ESRP1: variants seen among roughly 807,000 people sequenced by gnomAD.
ESRP1 encodes RNA-binding motif protein 35A.
ESRP1 carries 33 observed loss-of-function variants against 81.7 expected under a neutral mutation model. The observed-to-expected ratio is 0.40, with a 90% CI of 0.31 to 0.54. ESRP1 has a LOEUF of 0.54. Among genes scored for constraint, ESRP1 ranks in the 20% least tolerant of loss-of-function variants. The pLI is 0.41. For synonymous variants in ESRP1, 320 were observed against 303.3 expected, an observed-to-expected ratio of 1.06 and a Z score of -0.57; for missense variants, 672 against 833.1, an observed-to-expected ratio of 0.81 and a Z score of 2.38.
At chr8:94,678,038 A>G (rs1167148914) in intron 12 of ESRP1, among the ~76,000 whole-genome samples, 165 bp from the exon 13 acceptor site, 1 of 152,214 alleles carries the variant, frequency 6.6e-6, no homozygotes, top group East Asian at 1.9e-4. Flanking sequence ...AGATACTTCT[A>G]TGCATTAACT....
Position 94,678,279 on chromosome 8 carries a change from T to C in ESRP1, c.1728T>C (p.Ser576=). ...CAGAAGCTGCCATTTACCAGCCCTC[T>C]GTGATTTTGAATCCACGAGCACTGC... ...IPTEAAIYQP[S]VILNPRALQP... is the part of the protein sequence containing the mutation. The change falls in exon 13 of 16, where the codon TCT becomes TCC. Residue 576 remains serine (S), a synonymous_variant. Coordinates refer to ENST00000433389, the MANE Select transcript of ESRP1 (RefSeq NM_017697.4). The C allele has an allele frequency of 1.2e-6, 2 of 1,614,030 alleles. No individual in the cohort carries two copies. The highest frequency in any genetic ancestry group is 1.7e-6 in the Non-Finnish European group (2 of 1,179,896).
At position 94,692,758 on chromosome 8, in the gene ESRP1, G is replaced by C. The variant is rs200594768; in HGVS notation, c.1902G>C (p.Val634=). Residue 634 remains valine (V), a synonymous_variant, in exon 14 of 16, where the codon GTG becomes GTC. Coordinates refer to ENST00000433389, the MANE Select transcript of ESRP1 (RefSeq NM_017697.4). ...GTGTCCCTCCACAGCCTGGCACGGTGGTCAGAATGCAGGGCCTGGCCTACA... is the reference window on the plus strand; with the variant it reads ...GTGTCCCTCCACAGCCTGGCACGGTCGTCAGAATGCAGGGCCTGGCCTACA... ...LSGVPPQPGT[V]VRMQGLAYNT... is the part of the protein sequence containing the mutation. 1.9e-6 allele frequency: 3 copies of C among 1,613,778 alleles called. No homozygotes were observed. The African/African-American group carries it at 4.0e-5, about 22-fold the overall frequency.
At chr8:94,672,902 G>A (rs891351366) in intron 11 of ESRP1, among the ~76,000 whole-genome samples, 1 of 144,024 alleles carries the variant, frequency 6.9e-6, no homozygotes, top group African/African-American at 2.6e-5. Context: ...AGGGTTGAAT[G>A]TAGGCTTATA....
At chr8:94,669,874 CAAAAA>C (rs1263306176) in intron 10 of ESRP1, among the ~76,000 whole-genome samples, 3 of 89,638 alleles carry the variant, frequency 3.3e-5, no homozygotes, top group Non-Finnish European at 4.5e-5. Flanking sequence ...CTCCCGCTAC[CAAAAA>C]AAAAAAAAAA....
At chr8:94,647,134 C>T (rs1376279263) in intron 4 of ESRP1, among the ~76,000 whole-genome samples, 3 of 152,198 alleles carry the variant, frequency 2.0e-5, no homozygotes, top group African/African-American at 4.8e-5. Flanking sequence ...TGTTACTTCA[C>T]GATTTTTTTT....
chr8:94,642,542 A>G (rs1435495468), intron 2 of ESRP1, among the ~76,000 whole-genome samples: 1 of 152,124 alleles, frequency 6.6e-6, no homozygotes, highest in Non-Finnish European at 1.5e-5. Context: ...TGGAACCTGA[A>G]GGTGCCTGCC....
intron 14 of ESRP1, among the ~76,000 whole-genome samples, chr8:94,695,108 G>T (rs1219808596): frequency 6.6e-6 from 1 of 151,944 alleles, no homozygotes; most frequent in Admixed American, 6.6e-5. Context: ...ATTCACTATG[G>T]GGTTCCATCT....
rs1213880148 is a variant in ESRP1, at chr8:94,662,319, C to G, written c.538C>G (p.Gln180Glu). The change falls in exon 5 of 16, where the codon CAA becomes GAA. Residue 180 changes from glutamine (Q) to glutamate (E), a missense_variant. By Grantham distance (29) the Gln-to-Glu change is conservative (BLOSUM62 2). Transcript: ENST00000433389. ...TTCAGTCTCTCGATATGGAGCCTCT[C>G]AAGTTGAAGATATGGGGAATATAAT... ...SSSVSRYGAS[Q>E]VEDMGNIILA... 2.5e-6 allele frequency: 4 copies of G among 1,585,310 alleles called. No individual in the cohort carries two copies. Among genetic ancestry groups the G allele is most frequent in the African/African-American group, 1.3e-5 (1 of 74,714 alleles).
intron 13 of ESRP1, among the ~76,000 whole-genome samples, chr8:94,679,805 G>C (rs1184498259): frequency 6.6e-6 from 1 of 152,118 alleles, no homozygotes; most frequent in Non-Finnish European, 1.5e-5. Flanking sequence ...TAATACACGT[G>C]TATGCTTCTA....
In ESRP1 at chr8:94,665,021, C is replaced by T; in HGVS notation, c.850C>T (p.Gln284Ter). Reference protein sequence around the residue: ...VSEEHRDLALQRHKHHMGTRY... With the variant: ...VSEEHRDLAL ...TGAGGAGCACCGAGACCTAGCACTA[C>T]AGAGGCACAAACATCACATGGGGAC... The change falls in exon 8 of 16, where the codon CAG becomes TAG. Residue 284 changes from glutamine to a stop codon, truncating the protein, a stop_gained. Transcript: ENST00000433389. LOFTEE classifies it high-confidence loss of function. 6.2e-7 allele frequency: 1 copy of T among 1,613,788 alleles called. No homozygotes were observed. Among genetic ancestry groups the T allele is most frequent in the Non-Finnish European group, 8.5e-7 (1 of 1,179,860 alleles).
At chr8:94,687,309 C>A (rs1203853109) in intron 13 of ESRP1, among the ~76,000 whole-genome samples, 1 of 152,070 alleles carries the variant, frequency 6.6e-6, no homozygotes, top group Admixed American at 6.6e-5. Context: ...AGAGCCATAC[C>A]ACATTTGGTT....
intron 4 of ESRP1, among the ~76,000 whole-genome samples, chr8:94,661,253 C>T (rs1281878475): frequency 6.6e-6 from 1 of 152,062 alleles, no homozygotes; most frequent in African/African-American, 2.4e-5. Context: ...ATTGGCCAGG[C>T]TTGGTCTCGA....
intron 1 of ESRP1, 172 bp downstream of exon 1, chr8:94,641,622 TG>T (rs1384496248): frequency 2.2e-6 from 2 of 922,700 alleles, no homozygotes; most frequent in Non-Finnish European, 3.2e-6. Flanking sequence ...ATTGGCCAAC[TG>T]CCTTGGAGCC....
intron 14 of ESRP1, among the ~76,000 whole-genome samples, chr8:94,696,198 G>A (rs1042682132): frequency 1.3e-5 from 2 of 152,174 alleles, no homozygotes; most frequent in African/African-American, 2.4e-5. Flanking sequence ...GTCCATAAAC[G>A]TGTGTATATT....
intron 3 of ESRP1, among the ~76,000 whole-genome samples, chr8:94,645,063 A>G (rs890380754): frequency 6.6e-6 from 1 of 152,200 alleles, no homozygotes. Context: ...TTATTGTTGA[A>G]CATGTGAGTT....
At chr8:94,696,654 G>T (rs1809616949) in intron 14 of ESRP1, among the ~76,000 whole-genome samples, 198 bp from the exon 15 acceptor site, 1 of 152,134 alleles carries the variant, frequency 6.6e-6, no homozygotes, top group South Asian at 2.1e-4. Flanking sequence ...GTCCATCCTA[G>T]AAGGGACTTT....
intron 4 of ESRP1, chr8:94,646,548 T>C (rs1817862777): frequency 3.9e-6 from 1 of 259,232 alleles, no homozygotes; most frequent in South Asian, 7.2e-5. Context: ...AGCTGTGTAA[T>C]GTGTGTGTGT....
rs957022899 is a variant in ESRP1 at position 94,668,260 on chromosome 8, A to G, written c.1233+10A>G. 8 of 1,565,916 alleles carry G rather than the reference A, an allele frequency of 5.1e-6. No individual in the cohort carries two copies. Among genetic ancestry groups the G allele is most frequent in the Admixed American group, 3.7e-5 (2 of 54,210 alleles). On this transcript the variant is annotated intron_variant, in intron 10 of 15. Coordinates refer to ENST00000433389, the MANE Select transcript of ESRP1 (RefSeq NM_017697.4). ...AGCTGAAGTTCAGCAGGTTGGTTTT[A>G]AAAACAAGTATGTTGTACCTTTGCA...
At chr8:94,643,526 A>G (rs1463200260) in intron 3 of ESRP1, 110 bp downstream of exon 3, 5 of 645,244 alleles carry the variant, frequency 7.7e-6, no homozygotes, top group Non-Finnish European at 1.4e-5. Context: ...AGATGCATAT[A>G]GGGAGTTATT....
Sources: allele counts gnomAD v4.1 joint callset (sites outside exome capture counted in the v4.1 genomes callset), GRCh38; gene constraint gnomAD v4.1.1; transcripts MANE v1.5; gene names NCBI Gene and HGNC (gene_info 2026-07-23, HGNC 2026-07-21).